Variants in TMOD3 observed in about 807,000 individuals in gnomAD.
The protein encoded by TMOD3 is tropomodulin-3.
Under a neutral mutation model 39.2 loss-of-function variants are expected in TMOD3, and 20 were observed. That is an observed-to-expected ratio of 0.51 (90% CI 0.36 to 0.74). TMOD3 has a LOEUF of 0.74. Ranked by LOEUF, TMOD3 falls within the 30% of genes least tolerant of loss-of-function variation. The pLI, the probability that TMOD3 is intolerant of heterozygous loss-of-function variation, is 0.00. For missense variants in TMOD3, 381 were observed against 412.8 expected (o/e 0.92, Z 0.67); for synonymous variants, 143 against 145.8 (o/e 0.98, Z 0.14).
intron 2 of TMOD3, among the ~76,000 whole-genome samples, chr15:51,865,901 A>ATAT (rs1555386227): frequency 1.3e-5 from 2 of 150,292 alleles, no homozygotes; most frequent in Non-Finnish European, 3.0e-5. Flanking sequence ...TGCCAAAAAA[A>ATAT]AAATATATAT....
intron 1 of TMOD3, among the ~76,000 whole-genome samples, chr15:51,853,790 TAAA>T (rs74342679): frequency 2.4e-4 from 30 of 126,518 alleles, no homozygotes; most frequent in East Asian, 1.1e-3. Flanking sequence ...CACTGTCTCT[TAAA>T]AAAAAAAAAA....
intron 1 of TMOD3, among the ~76,000 whole-genome samples, chr15:51,845,682 A>G (rs956974730): frequency 2.0e-5 from 3 of 152,138 alleles, no homozygotes; most frequent in South Asian, 4.1e-4. Flanking sequence ...GCTTGAGCCC[A>G]GAAGGTCGAG....
chr15:51,897,365 C>T (rs200683672), intron 7 of TMOD3, among the ~76,000 whole-genome samples: 1 of 151,604 alleles, frequency 6.6e-6, no homozygotes, highest in Non-Finnish European at 1.5e-5. Context: ...TAATGGACAT[C>T]TTACATGTAA....
intron 5 of TMOD3, among the ~76,000 whole-genome samples, chr15:51,890,729 C>G (rs1358018369): frequency 6.6e-6 from 1 of 152,166 alleles, no homozygotes; most frequent in Non-Finnish European, 1.5e-5. Context: ...ATGTATACAT[C>G]TACATCATTC....
intron 3 of TMOD3, chr15:51,875,224 G>A (rs1470215301): frequency 6.6e-6 from 1 of 152,106 alleles, no homozygotes; most frequent in Admixed American, 6.6e-5. Flanking sequence ...TACATCAAGA[G>A]GATTACATAA....
intron 1 of TMOD3, among the ~76,000 whole-genome samples, chr15:51,836,383 A>T (rs779766782): frequency 6.6e-6 from 1 of 152,132 alleles, no homozygotes; most frequent in Non-Finnish European, 1.5e-5. Flanking sequence ...TGGACATCTC[A>T]TATAAATGGA....
chr15:51,868,429 C>T (rs1413815633), intron 2 of TMOD3, among the ~76,000 whole-genome samples: 2 of 152,048 alleles, frequency 1.3e-5, no homozygotes, highest in Non-Finnish European at 2.9e-5. Context: ...TTTTCCTGAT[C>T]CTCTACCTCC....
At position 51,915,578 on chromosome 15, in the gene TMOD3, A is replaced by G. The variant is rs1167623628; in HGVS notation, c.*6768A>G. On this transcript the variant is annotated 3_prime_UTR_variant, in exon 10 of 10. Transcript: ENST00000308580. ...AAGTATAAAAGCAATGAATTTTAAC[A>G]CTGGTATTTAAATAATACAAAATAT... 6.6e-6 allele frequency: 1 copy of G among 152,200 alleles called. No individual in the cohort carries two copies. Among genetic ancestry groups the G allele is most frequent in the Non-Finnish European group, 1.5e-5 (1 of 68,042 alleles). The allele number at this position is 152,200 out of a possible 1,614,324, so 9.4% of individuals were successfully genotyped here.
At chr15:51,830,050 C>G (rs994883161) in intron 1 of TMOD3, among the ~76,000 whole-genome samples, 3 of 152,116 alleles carry the variant, frequency 2.0e-5, no homozygotes, top group Admixed American at 2.0e-4. Context: ...CTGGGCGTCG[C>G]CCGCCGGTCT....
At position 51,869,220 on chromosome 15, in the gene TMOD3, G is replaced by T. The variant is rs1458392575; in HGVS notation, c.130G>T (p.Ala44Ser). ...TVLDDLDPEN[A>S]LLPAGFRQKN... is the part of the protein sequence containing the mutation. ...GCTGATTCATTCTCTCTGGCAGAATGCCCTTCTGCCTGCAGGGTTCCGGCA... is the reference window on the plus strand; with the variant it reads ...GCTGATTCATTCTCTCTGGCAGAATTCCCTTCTGCCTGCAGGGTTCCGGCA... The change falls in exon 3 of 10, where the codon GCC becomes TCC. Residue 44 changes from alanine (A) to serine (S), a missense_variant. Coordinates refer to ENST00000308580, the MANE Select transcript of TMOD3 (RefSeq NM_014547.5). The T allele has an allele frequency of 2.5e-6, 4 of 1,613,200 alleles. No homozygotes were observed. Among genetic ancestry groups the T allele is most frequent in the Non-Finnish European group, 3.4e-6 (4 of 1,179,722 alleles).
chr15:51,863,720 C>T (rs2056430729), intron 2 of TMOD3, among the ~76,000 whole-genome samples: 2 of 152,160 alleles, frequency 1.3e-5, no homozygotes, highest in Non-Finnish European at 2.9e-5. Context: ...TACCACATTT[C>T]TTTATGCCAA....
intron 1 of TMOD3, among the ~76,000 whole-genome samples, chr15:51,840,230 C>T (rs566685337): frequency 6.6e-6 from 1 of 152,282 alleles, no homozygotes; most frequent in South Asian, 2.1e-4. Flanking sequence ...GTACATCGAT[C>T]TCTCACTCTT....
At chr15:51,891,691 A>G (rs1393488914) in intron 5 of TMOD3, among the ~76,000 whole-genome samples, 1 of 152,150 alleles carries the variant, frequency 6.6e-6, no homozygotes, top group Non-Finnish European at 1.5e-5. Context: ...TGGAATGGGG[A>G]AAGAAATCTT....
At chr15:51,874,475 G>A (rs571033080) in intron 3 of TMOD3, among the ~76,000 whole-genome samples, 1 of 152,288 alleles carries the variant, frequency 6.6e-6, no homozygotes, top group Non-Finnish European at 1.5e-5. Flanking sequence ...CTGAGACATA[G>A]GCCAGCACAG....
intron 5 of TMOD3, among the ~76,000 whole-genome samples, chr15:51,892,141 CTG>C (rs2056596769): frequency 1.3e-5 from 2 of 152,256 alleles, no homozygotes; most frequent in Admixed American, 1.3e-4. Context: ...TCAGTGCACC[CTG>C]TCTCAAGATG....
Position 51,908,958 on chromosome 15 carries a change from T to G in TMOD3, c.*148T>G. 2 of 471,130 alleles carry G rather than the reference T, an allele frequency of 4.2e-6. No individual in the cohort carries two copies. The highest frequency in any genetic ancestry group is 6.7e-5 in the East Asian group (2 of 29,668). 29.2% of individuals were successfully genotyped at this position (471,130 alleles called of 1,614,324 possible). ...ATTTTTTTTTTAGTTGTTATCAAAT[T>G]GTAAAATCAGTAATGTGATATTTTA... is the stretch of plus-strand genomic sequence containing the variant. On this transcript the variant is annotated 3_prime_UTR_variant, in exon 10 of 10. Transcript: ENST00000308580.
chr15:51,907,685 G>T (rs1213425210), intron 9 of TMOD3, among the ~76,000 whole-genome samples: 2 of 152,178 alleles, frequency 1.3e-5, no homozygotes, highest in African/African-American at 4.8e-5. Flanking sequence ...TGTGGTTTTT[G>T]TCCTCTCTAG....
chr15:51,854,224 G>A (rs2056377140), intron 1 of TMOD3, among the ~76,000 whole-genome samples: 1 of 152,214 alleles, frequency 6.6e-6, no homozygotes, highest in African/African-American at 2.4e-5. Context: ...GGTCTCTGTT[G>A]CAATCACTCA....
intron 3 of TMOD3, among the ~76,000 whole-genome samples, chr15:51,885,288 T>C (rs8032985): frequency 0.03 from 4,491 of 148,886 alleles, 239 homozygotes; most frequent in African/African-American, 0.1. Context: ...TTTTTTCTTT[T>C]TTTTTTTTTT....
Sources: allele counts gnomAD v4.1 joint callset (sites outside exome capture counted in the v4.1 genomes callset), GRCh38; gene constraint gnomAD v4.1.1; transcripts MANE v1.5; gene names NCBI Gene and HGNC (gene_info 2026-07-23, HGNC 2026-07-21).